Variants in CSMD1 observed in about 807,000 individuals in gnomAD.
CSMD1 encodes CUB and sushi domain-containing protein 1.
A neutral mutation model predicts 417.5 loss-of-function variants in CSMD1; 213 were observed. That is an observed-to-expected ratio of 0.51 (90% CI 0.46 to 0.57). The LOEUF (loss-of-function observed/expected upper bound fraction) is 0.57, where lower values mean the gene tolerates loss of function less well. CSMD1 is among the 20% of genes least tolerant of loss of function. CSMD1 has a pLI of 0.00. For synonymous variants in CSMD1, 2,862 were observed against 1,736.8 expected, an observed-to-expected ratio of 1.65 and a Z score of -16.11; for missense variants, 6,923 against 4,529.7, an observed-to-expected ratio of 1.53 and a Z score of -15.17.
intron 1 of CSMD1, among the ~76,000 whole-genome samples, chr8:4,820,928 G>C (rs1002220628): frequency 6.6e-6 from 1 of 152,152 alleles, no homozygotes; most frequent in Non-Finnish European, 1.5e-5. Context: ...ATATCTTCAT[G>C]TTGCTTCCAT....
intron 5 of CSMD1, among the ~76,000 whole-genome samples, chr8:3,820,564 T>C (rs1801673810): frequency 6.6e-6 from 1 of 152,080 alleles, no homozygotes; most frequent in African/African-American, 2.4e-5. Flanking sequence ...CGTTGTTGTG[T>C]TTTTGTTTTT....
chr8:4,289,851 T>C (rs1490555665), intron 3 of CSMD1, among the ~76,000 whole-genome samples: 1 of 152,198 alleles, frequency 6.6e-6, no homozygotes, highest in Non-Finnish European at 1.5e-5. Context: ...AGAGTAGATA[T>C]TCAAAGTGTA....
At chr8:4,320,231 A>G (rs1799192091) in intron 3 of CSMD1, among the ~76,000 whole-genome samples, 1 of 152,226 alleles carries the variant, frequency 6.6e-6, no homozygotes, top group Admixed American at 6.5e-5. Flanking sequence ...AAAAATTACC[A>G]GGCATGAAAA....
chr8:3,691,555 T>G (rs1404119408), intron 7 of CSMD1, among the ~76,000 whole-genome samples: 1 of 152,154 alleles, frequency 6.6e-6, no homozygotes, highest in Non-Finnish European at 1.5e-5. Context: ...GAATGAATAA[T>G]TGTATTTACA....
Position 4,759,395 on chromosome 8 carries a change from A to T in CSMD1, c.86-121837T>A, listed in dbSNP as rs546411332. On this transcript the variant is annotated intron_variant, in intron 1 of 69. Coordinates refer to ENST00000635120, the MANE Select transcript of CSMD1 (RefSeq NM_033225.6). ...ATGCAAGAGGCTATTATCCAATGGC[A>T]TCTGAGCATCTCTGAAAAAATTTTA... 2.6e-5 allele frequency among the ~76,000 whole-genome samples: 4 copies of T among 152,332 alleles called. No individual in the cohort carries two copies. In the South Asian group the frequency reaches 6.2e-4, roughly 24 times the overall value.
chr8:3,287,150 T>G (rs1803221952), intron 25 of CSMD1, among the ~76,000 whole-genome samples: 1 of 150,568 alleles, frequency 6.6e-6, no homozygotes, highest in Non-Finnish European at 1.5e-5. Flanking sequence ...GCAGCATTAT[T>G]TCTGAGGGCT....
intron 3 of CSMD1, among the ~76,000 whole-genome samples, chr8:4,326,731 T>C (rs1486722779): frequency 6.6e-6 from 1 of 152,138 alleles, no homozygotes; most frequent in East Asian, 1.9e-4. Context: ...AATGGGGACT[T>C]GATGGAATAG....
At chr8:3,770,777 T>G (rs543758202) in intron 5 of CSMD1, among the ~76,000 whole-genome samples, 1 of 152,250 alleles carries the variant, frequency 6.6e-6, no homozygotes, top group East Asian at 1.9e-4. Flanking sequence ...CATACTTAAT[T>G]GCAGTTTTTC....
intron 50 of CSMD1, among the ~76,000 whole-genome samples, chr8:3,049,084 G>A (rs1193868182): frequency 3.3e-5 from 5 of 152,140 alleles, no homozygotes. Context: ...GATAGCACCA[G>A]ATGCTCGCGA....
chr8:4,208,115 T>C (rs1800090555), intron 3 of CSMD1, among the ~76,000 whole-genome samples: 1 of 152,094 alleles, frequency 6.6e-6, no homozygotes, highest in Admixed American at 6.5e-5. Flanking sequence ...AGCAATTTCA[T>C]ACACATGATG....
chr8:4,520,783 G>A (rs913311168), intron 2 of CSMD1, among the ~76,000 whole-genome samples: 1 of 152,104 alleles, frequency 6.6e-6, no homozygotes, highest in Non-Finnish European at 1.5e-5. Flanking sequence ...ATAGATTATT[G>A]CAATGAAAAT....
intron 3 of CSMD1, among the ~76,000 whole-genome samples, chr8:4,152,823 G>T (rs1220229989): frequency 2.0e-5 from 3 of 152,168 alleles, no homozygotes; most frequent in Non-Finnish European, 4.4e-5. Flanking sequence ...TATAGTGAGA[G>T]AGTAGGGAAT....
intron 3 of CSMD1, among the ~76,000 whole-genome samples, chr8:4,144,670 T>C (rs1804003472): frequency 6.6e-6 from 1 of 151,076 alleles, no homozygotes. Flanking sequence ...AGGACCTCTA[T>C]GTCCCGACTG....
chr8:3,425,371 C>T (rs1196835044), intron 12 of CSMD1, among the ~76,000 whole-genome samples: 9 of 151,746 alleles, frequency 5.9e-5, no homozygotes, highest in African/African-American at 1.9e-4. Context: ...GCGTGGATCA[C>T]GAGGTCAAGA....
chr8:3,729,414 C>G lies in CSMD1; in HGVS notation c.932-20923G>C, dbSNP rs140395863. On this transcript the variant is annotated intron_variant, in intron 6 of 69. Coordinates refer to ENST00000635120, the MANE Select transcript of CSMD1 (RefSeq NM_033225.6). ...TCAGTCAGTTCTTAGGCACAACTCTCTGCATGTTAAAAGAGGGATATAATA... is the reference window on the plus strand; with the variant it reads ...TCAGTCAGTTCTTAGGCACAACTCTGTGCATGTTAAAAGAGGGATATAATA... Among the ~76,000 whole-genome samples the G allele has an allele frequency of 6.2e-3, 943 of 152,274 alleles. 39 individuals are homozygous for G. The highest frequency in any genetic ancestry group is 0.051 in the Admixed American group (775 of 15,288).
At chr8:4,877,968 C>T (rs1010449748) in intron 1 of CSMD1, among the ~76,000 whole-genome samples, 2 of 152,076 alleles carry the variant, frequency 1.3e-5, no homozygotes, top group Admixed American at 1.3e-4. Context: ...AATCCAAACA[C>T]ATATGTATGT....
At chr8:3,777,013 C>T (rs1420867130) in intron 5 of CSMD1, among the ~76,000 whole-genome samples, 1 of 151,756 alleles carries the variant, frequency 6.6e-6, no homozygotes, top group African/African-American at 2.4e-5. Context: ...CACATCTGAC[C>T]TTAAATGCTG....
At chr8:4,234,835 C>A (rs529912248) in intron 3 of CSMD1, among the ~76,000 whole-genome samples, 1 of 152,208 alleles carries the variant, frequency 6.6e-6, no homozygotes. Flanking sequence ...ACAGTCTCTG[C>A]ACTGTGGGCG....
chr8:3,395,137 C>T (rs1047825254), intron 17 of CSMD1, among the ~76,000 whole-genome samples: 1 of 152,060 alleles, frequency 6.6e-6, no homozygotes, highest in East Asian at 1.9e-4. Context: ...TGAAACCCAT[C>T]ATAGTAGACA....
Sources: gnomAD v4.1 joint callset for allele counts (sites outside exome capture counted in the v4.1 genomes callset) on GRCh38, gnomAD v4.1.1 for gene constraint, MANE v1.5 for transcripts, NCBI Gene and HGNC (gene_info 2026-07-23, HGNC 2026-07-21) for gene names.